TMCC1: variants seen among roughly 807,000 people sequenced by gnomAD.
TMCC1 encodes the protein transmembrane and coiled-coil domains protein 1.
In TMCC1, 15 loss-of-function variants were observed where a neutral mutation model predicts 52.4. The ratio of observed to expected loss-of-function variants is 0.29; its 90% CI spans 0.19 to 0.44. TMCC1 has a LOEUF of 0.44. TMCC1 is among the 20% of genes least tolerant of loss of function. The pLI is 1.00. For missense variants in TMCC1, 503 were observed against 806.0 expected (o/e 0.62, Z 4.55); for synonymous variants, 279 against 301.9 (o/e 0.92, Z 0.79).
chr3:129,730,240 C>T (rs921954171), intron 4 of TMCC1, among the ~76,000 whole-genome samples: 1 of 152,046 alleles, frequency 6.6e-6, no homozygotes, highest in Non-Finnish European at 1.5e-5. Context: ...TTAATTCTCT[C>T]GATAGCATCT....
chr3:129,854,218 C>G (rs551404530), intron 2 of TMCC1, among the ~76,000 whole-genome samples: 1 of 151,904 alleles, frequency 6.6e-6, no homozygotes, highest in Non-Finnish European at 1.5e-5. Context: ...ATGGTGAAAC[C>G]CTGTCTCTAC....
intron 4 of TMCC1, among the ~76,000 whole-genome samples, chr3:129,723,896 T>C (rs187987839): frequency 2.7e-5 from 4 of 147,354 alleles, no homozygotes; most frequent in African/African-American, 1.0e-4. Flanking sequence ...TAACTAACTA[T>C]AGGATTCAGG....
chr3:129,827,615 G>C (rs988372242), intron 4 of TMCC1, 188 bp downstream of exon 4: 17 of 628,936 alleles, frequency 2.7e-5, no homozygotes, highest in Admixed American at 3.0e-5. Flanking sequence ...AAGGAAATAG[G>C]AATATAATTC....
intron 4 of TMCC1, among the ~76,000 whole-genome samples, chr3:129,706,204 TTTTTTA>T (rs1376081999): frequency 6.6e-6 from 1 of 151,558 alleles, no homozygotes; most frequent in Non-Finnish European, 1.5e-5. Flanking sequence ...CACTTTTTTA[TTTTTTA>T]TTTTTATTTT....
chr3:129,857,990 C>T (rs2060220261), intron 2 of TMCC1, among the ~76,000 whole-genome samples: 1 of 152,194 alleles, frequency 6.6e-6, no homozygotes, highest in African/African-American at 2.4e-5. Context: ...GGTCACACAG[C>T]CAGCAGGCAG....
chr3:129,662,627 C>T (rs1252120256), intron 5 of TMCC1, among the ~76,000 whole-genome samples: 1 of 152,078 alleles, frequency 6.6e-6, no homozygotes, highest in African/African-American at 2.4e-5. Flanking sequence ...AAGAGTGAGA[C>T]TCCATCTCAA....
chr3:129,845,873 A>C (rs2059643309), intron 2 of TMCC1, among the ~76,000 whole-genome samples: 1 of 152,060 alleles, frequency 6.6e-6, no homozygotes. Context: ...CTCTACAAAA[A>C]AAAATTTTTA....
chr3:129,832,898 G>C (rs1412784639), intron 2 of TMCC1, 72 bp from the exon 3 acceptor site: 13 of 152,186 alleles, frequency 8.5e-5, no homozygotes, highest in Non-Finnish European at 1.5e-5. Flanking sequence ...CAGATATGCA[G>C]AAAACGACTG....
intron 4 of TMCC1, among the ~76,000 whole-genome samples, chr3:129,763,542 C>CAAAA (rs11354197): frequency 1.8e-4 from 8 of 44,648 alleles, no homozygotes; most frequent in East Asian, 6.1e-4. Context: ...GACCCTGTCT[C>CAAAA]AAAAAAAAAA....
At chr3:129,784,734 T>C (rs2055850277) in intron 4 of TMCC1, among the ~76,000 whole-genome samples, 1 of 152,008 alleles carries the variant, frequency 6.6e-6, no homozygotes, top group African/African-American at 2.4e-5. Flanking sequence ...TTTGGGAGGA[T>C]GAGGTAGGAA....
Position 129,651,931 on chromosome 3 carries a change from G to A in TMCC1, c.1648-136C>T. The A allele has an allele frequency of 9.0e-6, 9 of 996,174 alleles. No homozygotes were observed. Among genetic ancestry groups the A allele is most frequent in the Non-Finnish European group, 1.3e-5 (9 of 698,652 alleles). 61.7% of individuals were successfully genotyped at this position (996,174 alleles called of 1,614,324 possible). ...AAATATGCTGGAGCCTTGAATGAAT[G>A]TAAAAGGCTAGATGTATAACTCACT... On this transcript the variant is annotated intron_variant, in intron 6 of 6. Coordinates refer to ENST00000393238, the MANE Select transcript of TMCC1 (RefSeq NM_001017395.5). The surrounding 1 kb of genome is among the most constrained non-coding windows in gnomAD (Gnocchi z 5.1).
chr3:129,741,053 C>T (rs2051412250), intron 4 of TMCC1, among the ~76,000 whole-genome samples: 1 of 152,104 alleles, frequency 6.6e-6, no homozygotes, highest in South Asian at 2.1e-4. Flanking sequence ...TAATTTTAGT[C>T]TCATTGCTAG....
chr3:129,779,272 T>C (rs189172369), intron 4 of TMCC1, among the ~76,000 whole-genome samples: 13 of 152,268 alleles, frequency 8.5e-5, no homozygotes, highest in Non-Finnish European at 2.9e-5. Flanking sequence ...AATTAAAATA[T>C]CTCTTATATT....
intron 4 of TMCC1, among the ~76,000 whole-genome samples, chr3:129,680,046 A>C (rs1438755051): frequency 6.6e-6 from 1 of 152,224 alleles, no homozygotes; most frequent in Non-Finnish European, 1.5e-5. Flanking sequence ...ATCTTCATAC[A>C]TTAAAATCAG....
chr3:129,713,679 T>C (rs1235613767), intron 4 of TMCC1, among the ~76,000 whole-genome samples: 2 of 104,960 alleles, frequency 1.9e-5, no homozygotes, highest in East Asian at 5.1e-4. Flanking sequence ...TGCCTTTAAA[T>C]AGCCACTGAC....
At chr3:129,750,236 G>T (rs192263423) in intron 4 of TMCC1, among the ~76,000 whole-genome samples, 3 of 152,192 alleles carry the variant, frequency 2.0e-5, no homozygotes, top group Non-Finnish European at 4.4e-5. Flanking sequence ...TGTTGCCCAG[G>T]CTGGAGTGCA....
intron 2 of TMCC1, among the ~76,000 whole-genome samples, chr3:129,873,862 G>A (rs1338224020): frequency 1.3e-5 from 2 of 152,050 alleles, no homozygotes; most frequent in African/African-American, 2.4e-5. Context: ...AATCCAAGCA[G>A]CATTTCTTTG....
At chr3:129,788,564 G>A (rs1196640043) in intron 4 of TMCC1, among the ~76,000 whole-genome samples, 2 of 151,964 alleles carry the variant, frequency 1.3e-5, no homozygotes, top group Admixed American at 1.3e-4. Flanking sequence ...CCGGGTTGAC[G>A]CCATTCTCCT....
At chr3:129,759,709 ACTTTTTTTTT>A (rs1186295811) in intron 4 of TMCC1, among the ~76,000 whole-genome samples, 8 of 98,372 alleles carry the variant, frequency 8.1e-5, no homozygotes, top group African/African-American at 2.8e-4. Flanking sequence ...AGCCAGCCAA[ACTTTTTTTTT>A]TTTTTTTTTT....
Sources: gnomAD v4.1 joint callset for allele counts (sites outside exome capture counted in the v4.1 genomes callset) on GRCh38, gnomAD v4.1.1 for gene constraint, Gnocchi (gnomAD v3.1) non-coding constraint, MANE v1.5 for transcripts, NCBI Gene and HGNC (gene_info 2026-07-23, HGNC 2026-07-21) for gene names.